NRXN1: variants seen among roughly 807,000 people sequenced by gnomAD.
NRXN1 encodes neurexin 1, also known as neurexin-1.
Under a neutral mutation model 150.9 loss-of-function variants are expected in NRXN1, and 39 were observed. The observed-to-expected ratio is 0.26, with a 90% CI of 0.20 to 0.34. The LOEUF is 0.34. Among genes scored for constraint, NRXN1 ranks in the 10% least tolerant of loss-of-function variants. The pLI is 1.00. For synonymous variants in NRXN1, 924 were observed against 757.0 expected, an observed-to-expected ratio of 1.22 and a Z score of -3.62; for missense variants, 1,815 against 1,949.9, an observed-to-expected ratio of 0.93 and a Z score of 1.30.
chr2:50,396,259 C>T (rs981201622), intron 17 of NRXN1, among the ~76,000 whole-genome samples: 9 of 152,134 alleles, frequency 5.9e-5, no homozygotes, highest in Non-Finnish European at 7.4e-5. Context: ...ATTATTCCTA[C>T]TCTAAATAAC....
At chr2:50,468,275 C>T (rs1391275506) in intron 16 of NRXN1, among the ~76,000 whole-genome samples, 1 of 151,494 alleles carries the variant, frequency 6.6e-6, no homozygotes, top group Non-Finnish European at 1.5e-5. Context: ...AAATAATCTG[C>T]CCATATTGTA....
At position 50,686,060 on chromosome 2, in the gene NRXN1, A is replaced by T. The variant is rs139184794; in HGVS notation, c.833-62445T>A. ...TGAACTGATTCTCTTTCTGCTGTCTATGGTGCCACAACTAGAAATACATTT... is the reference window on the plus strand; with the variant it reads ...TGAACTGATTCTCTTTCTGCTGTCTTTGGTGCCACAACTAGAAATACATTT... On this transcript the variant is annotated intron_variant, in intron 5 of 22. Coordinates refer to ENST00000401669, the MANE Select transcript of NRXN1 (RefSeq NM_001330078.2). 5.9e-5 allele frequency among the ~76,000 whole-genome samples: 9 copies of T among 152,228 alleles called. No homozygotes were observed. The East Asian group carries it at 1.7e-3, about 29-fold the overall frequency.
At chr2:50,073,532 C>T (rs1696606870) in intron 19 of NRXN1, among the ~76,000 whole-genome samples, 1 of 152,130 alleles carries the variant, frequency 6.6e-6, no homozygotes, top group Non-Finnish European at 1.5e-5. Context: ...ACTGAATTTG[C>T]CTTCTATTCC....
chr2:50,376,036 C>CATATATATAT lies in NRXN1; in HGVS notation c.3364+89396_3364+89405dup, dbSNP rs200888302. 1.1e-4 allele frequency among the ~76,000 whole-genome samples: 16 copies of CATATATATAT among 144,412 alleles called. 1 individual carries two copies. The South Asian group carries it at 1.3e-3, about 12-fold the overall frequency. The allele number at this position is 144,412 out of a possible 152,430, so 94.7% of individuals were successfully genotyped here. A position where few individuals can be genotyped will look rare whatever the true frequency, so the allele number is the denominator to read the frequency against. ...CATTTAGAACTCCTGCACATAAATA[C>CATATATATAT]ATATATATATACACACACACACACA... On this transcript the variant is annotated intron_variant, in intron 17 of 22. Transcript: ENST00000401669.
rs548788676 is a variant in NRXN1 at position 50,534,646 on chromosome 2, A to G, written c.2144-3216T>C. The stretch of plus-strand genomic sequence containing the variant: ...TCATGACCCATATCTGTAAAGCAAC[A>G]AGCACCCGAATAAAAGTGTAAAAGT... On this transcript the variant is annotated intron_variant, in intron 10 of 22. Transcript: ENST00000401669. Among the ~76,000 whole-genome samples, 13 of 152,318 alleles carry G rather than the reference A, an allele frequency of 8.5e-5. No homozygotes were observed. In the South Asian group the frequency reaches 2.5e-3, roughly 29 times the overall value.
In NRXN1 at chr2:50,273,769, G is replaced by GA. The variant is rs752971575; in HGVS notation, c.3365-36800dup. ...TTATTTATGCAGCCAAAAAACATAT[G>GA]AAAAAAAGCTCATCATCACTGCTTA... is the stretch of plus-strand genomic sequence containing the variant. On this transcript the variant is annotated intron_variant, in intron 17 of 22. Coordinates refer to ENST00000401669, the MANE Select transcript of NRXN1 (RefSeq NM_001330078.2). 7.2e-5 allele frequency among the ~76,000 whole-genome samples: 11 copies of GA among 152,022 alleles called. No homozygotes were observed. In the South Asian group the frequency reaches 1.5e-3, roughly 20 times the overall value.
intron 1 of NRXN1, among the ~76,000 whole-genome samples, chr2:51,031,066 A>G (rs1226600443): frequency 6.6e-6 from 1 of 152,086 alleles, no homozygotes; most frequent in African/African-American, 2.4e-5. Flanking sequence ...ATATAGATAT[A>G]TATACATTCT....
chr2:50,535,868 T>G (rs2093245185), intron 10 of NRXN1, among the ~76,000 whole-genome samples: 1 of 152,212 alleles, frequency 6.6e-6, no homozygotes, highest in Non-Finnish European at 1.5e-5. Context: ...GAACATGTTT[T>G]TTAATTACTT....
At chr2:50,428,301 G>A (rs1417578633) in intron 17 of NRXN1, among the ~76,000 whole-genome samples, 1 of 152,124 alleles carries the variant, frequency 6.6e-6, no homozygotes, top group African/African-American at 2.4e-5. Flanking sequence ...TGTGGTCTCA[G>A]CTACTCTGGA....
intron 22 of NRXN1, among the ~76,000 whole-genome samples, chr2:49,942,086 G>C (rs1404048780): frequency 6.6e-6 from 1 of 152,160 alleles, no homozygotes; most frequent in African/African-American, 2.4e-5. Flanking sequence ...GCCATGATGT[G>C]ACTTTATCTG....
At chr2:50,986,110 A>T (rs1236642482) in intron 2 of NRXN1, among the ~76,000 whole-genome samples, 1 of 151,796 alleles carries the variant, frequency 6.6e-6, no homozygotes, top group East Asian at 1.9e-4. Flanking sequence ...CTTAACATAC[A>T]GTTAACTTTC....
rs57580154 is a variant in NRXN1 at position 50,026,859 on chromosome 2, C to CTTT, written c.4128+26409_4128+26411dup. Reference sequence around the variant, plus strand: ...TTGCATTGTTTAAGTCTTTTCTTTTCTTTTTTTTTTTTTTTTTTTTTTTTT... The same window carrying CTTT: ...TTGCATTGTTTAAGTCTTTTCTTTTCTTTTTTTTTTTTTTTTTTTTTTTTTTTT... On this transcript the variant is annotated intron_variant, in intron 21 of 22. Transcript: ENST00000401669. 9.0e-4 allele frequency among the ~76,000 whole-genome samples: 59 copies of CTTT among 65,240 alleles called. 12 individuals carry two copies. Among genetic ancestry groups the CTTT allele is most frequent in the Non-Finnish European group, 1.1e-3 (43 of 37,416 alleles). 42.8% of individuals were successfully genotyped at this position (65,240 alleles called of 152,430 possible).
intron 17 of NRXN1, among the ~76,000 whole-genome samples, chr2:50,275,500 A>AG (rs1229173407): frequency 6.6e-6 from 1 of 151,866 alleles, no homozygotes; most frequent in Admixed American, 6.6e-5. Context: ...AGTTTCAGAC[A>AG]GAAAAAAAAA....
chr2:50,049,304 A>G (rs977793577), intron 21 of NRXN1, among the ~76,000 whole-genome samples: 8 of 152,144 alleles, frequency 5.3e-5, no homozygotes, highest in Non-Finnish European at 1.0e-4. Context: ...TAATCATGAG[A>G]AGACCTAATT....
intron 12 of NRXN1, among the ~76,000 whole-genome samples, chr2:50,518,517 G>C (rs1019465730): frequency 1.3e-5 from 2 of 151,694 alleles, no homozygotes; most frequent in African/African-American, 4.8e-5. Flanking sequence ...TGTATTTTCT[G>C]CAATACATAC....
At chr2:50,000,378 T>C (rs1056943306) in intron 21 of NRXN1, among the ~76,000 whole-genome samples, 2 of 152,118 alleles carry the variant, frequency 1.3e-5, no homozygotes, top group Non-Finnish European at 2.9e-5. Context: ...AATATGTAAA[T>C]AAAATTGTCA....
At chr2:50,518,130 T>C (rs896125845) in intron 12 of NRXN1, among the ~76,000 whole-genome samples, 7 of 152,074 alleles carry the variant, frequency 4.6e-5, no homozygotes, top group African/African-American at 9.6e-5. Context: ...ATTTTAAGAA[T>C]TATAATTTAC....
chr2:50,328,649 T>G (rs1465603995), intron 17 of NRXN1, among the ~76,000 whole-genome samples: 4 of 151,930 alleles, frequency 2.6e-5, no homozygotes, highest in Non-Finnish European at 1.5e-5. Flanking sequence ...GGCAGGAAAA[T>G]CGTTTGAAAC....
At chr2:49,928,587 G>T (rs1470468429) in intron 22 of NRXN1, among the ~76,000 whole-genome samples, 1 of 151,962 alleles carries the variant, frequency 6.6e-6, no homozygotes, top group Admixed American at 6.6e-5. Context: ...TGGGGTGTTT[G>T]TGAATTGAGA....
Sources: allele counts gnomAD v4.1 joint callset (sites outside exome capture counted in the v4.1 genomes callset), GRCh38; gene constraint gnomAD v4.1.1; transcripts MANE v1.5; gene names NCBI Gene and HGNC (gene_info 2026-07-23, HGNC 2026-07-21).